The following METAP1 variants were observed in gnomAD, a reference collection of about 807,000 sequenced individuals.
METAP1 encodes methionyl aminopeptidase 1.
Under a neutral mutation model 53.8 loss-of-function variants are expected in METAP1, and 28 were observed. That is an observed-to-expected ratio of 0.52 (90% CI 0.39 to 0.71). The LOEUF (loss-of-function observed/expected upper bound fraction) is 0.71, where lower values mean the gene tolerates loss of function less well. Ranked by LOEUF, METAP1 falls within the 30% of genes least tolerant of loss-of-function variation. The probability of loss-of-function intolerance (pLI) is 0.00; values close to 1 mark genes in which losing one functional copy is unlikely to be tolerated. For synonymous variants in METAP1, 181 were observed against 165.7 expected (o/e 1.09, Z -0.71); for missense variants, 389 against 479.8 (o/e 0.81, Z 1.77).
At chr4:98,997,272 C>T (rs1049521111) in intron 1 of METAP1, 1 of 152,650 alleles carries the variant, frequency 6.6e-6, no homozygotes, top group African/African-American at 2.4e-5. Flanking sequence ...AAGGTCTTAG[C>T]TGTGTTATAC....
At chr4:99,034,473 T>G in intron 3 of METAP1, 131 bp downstream of exon 3, 1 of 643,634 alleles carries the variant, frequency 1.6e-6, no homozygotes, top group East Asian at 3.0e-5. Flanking sequence ...TTTTAGCTCT[T>G]GAGCTCTTAC....
chr4:99,042,518 TAGG>T (rs1725949368), intron 6 of METAP1, among the ~76,000 whole-genome samples: 2 of 152,180 alleles, frequency 1.3e-5, no homozygotes, highest in South Asian at 4.1e-4. Context: ...GTTTTTCTGT[TAGG>T]AGTTCTTTTG....
chr4:99,057,274 G>C (rs549356455), intron 9 of METAP1, among the ~76,000 whole-genome samples: 7 of 152,282 alleles, frequency 4.6e-5, no homozygotes, highest in African/African-American at 1.7e-4. Flanking sequence ...GTTTCTATGG[G>C]CTGTGCACCT....
Position 99,045,175 on chromosome 4 carries a change from G to T in METAP1, c.656-4G>T. The T allele has an allele frequency of 6.2e-7, 1 of 1,612,530 alleles. No homozygotes were observed. Among genetic ancestry groups the T allele is most frequent in the Non-Finnish European group, 8.5e-7 (1 of 1,179,002 alleles). On this transcript the variant is annotated splice_region_variant and splice_polypyrimidine_tract_variant and intron_variant, in intron 7 of 10. Coordinates refer to ENST00000296411, the MANE Select transcript of METAP1 (RefSeq NM_015143.3). ...GGTCTTTATATTTGCACATTCTCTT[G>T]CAGTGGATATCACTCTTTATCGCAA...
At chr4:99,031,526 T>C (rs1247074939) in intron 2 of METAP1, 2 of 1,288,740 alleles carry the variant, frequency 1.6e-6, no homozygotes, top group Non-Finnish European at 2.0e-6. Context: ...TGTTATGTAA[T>C]GTCTTAAACT....
rs936875966 is a variant in METAP1 at position 99,045,374 on chromosome 4, C to T, written c.787+64C>T. On this transcript the variant is annotated intron_variant, in intron 8 of 10. Coordinates refer to ENST00000296411, the MANE Select transcript of METAP1 (RefSeq NM_015143.3). ...TGTTGATGGGCCAAGAATGACTGGG[C>T]GCTGCAGTTCTGTGCATTCCTTGTA... 1.2e-5 allele frequency: 19 copies of T among 1,576,202 alleles called. No individual in the cohort carries two copies. In the Middle Eastern group the frequency reaches 7.6e-4, roughly 63 times the overall value.
chr4:99,055,407 GAGAAA>G (rs1194104833), intron 9 of METAP1, among the ~76,000 whole-genome samples: 2 of 144,142 alleles, frequency 1.4e-5, no homozygotes, highest in African/African-American at 2.6e-5. Context: ...AAAAAAAAAA[GAGAAA>G]AGAAAGAAGG....
chr4:99,000,067 A>T (rs1021512413), intron 1 of METAP1, among the ~76,000 whole-genome samples: 1 of 152,250 alleles, frequency 6.6e-6, no homozygotes, highest in Non-Finnish European at 1.5e-5. Flanking sequence ...ACATGAAAGA[A>T]AAGACATCAG....
chr4:99,056,952 T>C (rs1727181216), intron 9 of METAP1, among the ~76,000 whole-genome samples: 1 of 152,210 alleles, frequency 6.6e-6, no homozygotes, highest in Non-Finnish European at 1.5e-5. Flanking sequence ...CTTCAACTTC[T>C]GTCTTCTGGG....
chr4:99,036,903 T>C (rs935692986), intron 4 of METAP1, among the ~76,000 whole-genome samples: 1 of 152,032 alleles, frequency 6.6e-6, no homozygotes, highest in East Asian at 1.9e-4. Flanking sequence ...TTGAGAGATA[T>C]TACAAATTTC....
At chr4:99,048,186 AC>A (rs1301304935) in intron 8 of METAP1, among the ~76,000 whole-genome samples, 1 of 152,106 alleles carries the variant, frequency 6.6e-6, no homozygotes, top group Non-Finnish European at 1.5e-5. Context: ...CCTACTTCCA[AC>A]CCTTTAGTGC....
chr4:99,048,681 C>T, intron 8 of METAP1, 52 bp from the exon 9 acceptor site: 1 of 1,571,958 alleles, frequency 6.4e-7, no homozygotes, highest in Non-Finnish European at 8.7e-7. Context: ...ATAGTAATTG[C>T]TTAGTACGTA....
At chr4:99,060,553 T>C (rs934291584) in intron 10 of METAP1, among the ~76,000 whole-genome samples, 24 of 151,744 alleles carry the variant, frequency 1.6e-4, no homozygotes, top group Admixed American at 2.0e-4. Flanking sequence ...TTAGTAGAGA[T>C]GGGGTTTCAC....
intron 1 of METAP1, among the ~76,000 whole-genome samples, chr4:99,000,948 T>C (rs752719321): frequency 1.8e-4 from 28 of 152,178 alleles, no homozygotes; most frequent in Non-Finnish European, 3.1e-4. Context: ...CCACTTTGCC[T>C]CAGCCTCCCA....
At chr4:99,023,483 A>G in intron 1 of METAP1, 1 of 985,254 alleles carries the variant, frequency 1.0e-6, no homozygotes, top group Non-Finnish European at 1.2e-6. Flanking sequence ...ATTCTTTCTA[A>G]CATTGTATGG....
chr4:99,036,934 TA>T (rs1469379904), intron 4 of METAP1, among the ~76,000 whole-genome samples: 1 of 152,020 alleles, frequency 6.6e-6, no homozygotes, highest in African/African-American at 2.4e-5. Context: ...CCAGTTCCAT[TA>T]AAAATACATG....
chr4:99,041,269 A>G, intron 6 of METAP1, 143 bp downstream of exon 6: 1 of 474,146 alleles, frequency 2.1e-6, no homozygotes, highest in Non-Finnish European at 3.7e-6. Context: ...TTTGTTTCAA[A>G]TATGGAAAAC....
Position 99,045,254 on chromosome 4 carries a change from G to A in METAP1, c.731G>A (p.Gly244Glu), listed in dbSNP as rs770749503. The A allele has an allele frequency of 1.9e-6, 3 of 1,613,830 alleles. No individual in the cohort carries two copies. Among genetic ancestry groups the A allele is most frequent in the Non-Finnish European group, 2.5e-6 (3 of 1,179,812 alleles). ...TTTTTTGTTGGAGAAGTGGATGATG[G>A]AGCACGGAAACTTGTTCAGACCACA... ...ETFFVGEVDD[G>E]ARKLVQTTYE... Residue 244 changes from glycine to glutamate, a missense_variant, in exon 8 of 11, where the codon GGA (glycine) becomes GAA (glutamate). Physicochemically the swap from Gly to Glu is moderately conservative, Grantham distance 98. Transcript: ENST00000296411.
chr4:99,015,102 A>G (rs779558448), intron 1 of METAP1, among the ~76,000 whole-genome samples: 74 of 152,320 alleles, frequency 4.9e-4, no homozygotes, highest in African/African-American at 1.5e-3. Flanking sequence ...AAAGGGGACA[A>G]TCTGGGCCTC....
Sources: gnomAD v4.1 joint callset for allele counts (sites outside exome capture counted in the v4.1 genomes callset) on GRCh38, gnomAD v4.1.1 for gene constraint, MANE v1.5 for transcripts, NCBI Gene and HGNC (gene_info 2026-07-23, HGNC 2026-07-21) for gene names.